The following AHR variants were observed in gnomAD, a reference collection of about 807,000 sequenced individuals.
AHR encodes the protein aryl hydrocarbon receptor, also known as AH-receptor.
A neutral mutation model predicts 86.8 loss-of-function variants in AHR; 40 were observed. That is an observed-to-expected ratio of 0.46 (90% CI 0.36 to 0.60). The LOEUF is 0.60. Ranked by LOEUF, AHR falls within the 20% of genes least tolerant of loss-of-function variation. The pLI is 0.00. For missense variants in AHR, 1,001 were observed against 1,011.6 expected (o/e 0.99, Z 0.14); for synonymous variants, 398 against 354.9 (o/e 1.12, Z -1.37).
At chr7:17,308,540 A>G (rs1275633134) in intron 1 of AHR, among the ~76,000 whole-genome samples, 5 of 152,136 alleles carry the variant, frequency 3.3e-5, no homozygotes, top group Non-Finnish European at 7.4e-5. Flanking sequence ...TTTGAAATTC[A>G]GTTGGTTAAG....
chr7:17,320,769 C>G (rs1021406866), intron 2 of AHR, among the ~76,000 whole-genome samples: 1 of 152,072 alleles, frequency 6.6e-6, no homozygotes, highest in Admixed American at 6.6e-5. Context: ...TTAAACATTT[C>G]CTTTGGTCTT....
intron 1 of AHR, among the ~76,000 whole-genome samples, chr7:17,306,994 T>C (rs920044651): frequency 5.6e-4 from 85 of 152,194 alleles, no homozygotes; most frequent in African/African-American, 1.8e-3. Flanking sequence ...TAAGCAATTA[T>C]GTTACTTGAC....
chr7:17,329,256 A>G (rs1782260277), intron 4 of AHR, among the ~76,000 whole-genome samples: 1 of 151,970 alleles, frequency 6.6e-6, no homozygotes, highest in Non-Finnish European at 1.5e-5. Flanking sequence ...ATAATATAGA[A>G]TACACAGTGT....
At chr7:17,329,760 G>T (rs1562479944) in intron 4 of AHR, 192 bp from the exon 5 acceptor site, 1 of 429,182 alleles carries the variant, frequency 2.3e-6, no homozygotes, top group East Asian at 4.1e-5. Flanking sequence ...TGGCTTATCT[G>T]TTGTAGTGCC....
intron 1 of AHR, among the ~76,000 whole-genome samples, chr7:17,300,055 G>T (rs1781938987): frequency 6.6e-6 from 1 of 152,168 alleles, no homozygotes; most frequent in East Asian, 1.9e-4. Context: ...AAAAGATTTA[G>T]AACTGCATTT....
Position 17,340,233 on chromosome 7 carries a change from G to A in AHR, c.2403+5G>A, listed in dbSNP as rs192368632. The A allele has an allele frequency of 2.0e-5, 31 of 1,583,096 alleles. No homozygotes were observed. The African/African-American group carries it at 3.1e-4, about 16-fold the overall frequency. On this transcript the variant is annotated splice_donor_5th_base_variant and intron_variant, in intron 10 of 10. Coordinates refer to ENST00000242057, the MANE Select transcript of AHR (RefSeq NM_001621.5). ...CAACAGGCATTTTTAAACAAGGTAAGGGTGTTATCAAACTGAATTAAATCT... is the reference window on the plus strand; with the variant it reads ...CAACAGGCATTTTTAAACAAGGTAAAGGTGTTATCAAACTGAATTAAATCT...
chr7:17,298,788 G>A lies in AHR; in HGVS notation c.-477G>A. 2 of 398,120 alleles carry A rather than the reference G, an allele frequency of 5.0e-6. No homozygotes were observed. Among genetic ancestry groups the A allele is most frequent in the East Asian group, 7.1e-5 (2 of 28,022 alleles). 24.7% of individuals were successfully genotyped at this position (398,120 alleles called of 1,614,324 possible). A position where few individuals can be genotyped will look rare whatever the true frequency, so the allele number is the denominator to read the frequency against. On this transcript the variant is annotated 5_prime_UTR_variant, in exon 1 of 11. Transcript: ENST00000242057. The stretch of plus-strand genomic sequence containing the variant: ...TGGCCCGCGCCCGAGCTCCGCAGGC[G>A]GGAAGCACCCTGGATTTAGGAAGTC...
intron 2 of AHR, among the ~76,000 whole-genome samples, chr7:17,313,388 G>T (rs1342678303): frequency 6.6e-6 from 1 of 152,026 alleles, no homozygotes; most frequent in African/African-American, 2.4e-5. Flanking sequence ...GATGCAAACA[G>T]GGGGTGTGTA....
intron 9 of AHR, among the ~76,000 whole-genome samples, chr7:17,336,322 C>T (rs925350707): frequency 6.6e-6 from 1 of 151,848 alleles, no homozygotes; most frequent in Non-Finnish European, 1.5e-5. Context: ...TTCCCGGCTG[C>T]GCTGTATTTT....
chr7:17,331,624 A>C, intron 6 of AHR, among the ~76,000 whole-genome samples: 1 of 151,906 alleles, frequency 6.6e-6, no homozygotes, highest in East Asian at 1.9e-4. Context: ...TGTCTCAAAT[A>C]ACTGCCACAT....
intron 2 of AHR, among the ~76,000 whole-genome samples, chr7:17,311,190 G>T (rs1782060702): frequency 1.3e-5 from 2 of 152,078 alleles, no homozygotes; most frequent in Non-Finnish European, 2.9e-5. Context: ...TTAAGGAAAT[G>T]GTCTTTTTAA....
chr7:17,313,535 A>G lies in AHR; in HGVS notation c.253+3412A>G, dbSNP rs1270179064. Among the ~76,000 whole-genome samples, 3 of 152,148 alleles carry G rather than the reference A, an allele frequency of 2.0e-5. No homozygotes were observed. The East Asian group carries it at 5.8e-4, about 29-fold the overall frequency. Reference sequence around the variant, plus strand: ...TGCAAGTTTAAATAATCCAACTTGGATGGATCTTCTTAAAGTTTGGAACCA... The same window carrying G: ...TGCAAGTTTAAATAATCCAACTTGGGTGGATCTTCTTAAAGTTTGGAACCA... On this transcript the variant is annotated intron_variant, in intron 2 of 10. Transcript: ENST00000242057.
Position 17,299,264 on chromosome 7 carries a change from C to G in AHR, c.-1C>G. On this transcript the variant is annotated 5_prime_UTR_variant, in exon 1 of 11. Transcript: ENST00000242057. ...GTAGCCGCCGCCGTCGGCTGGGCAC[C>G]ATGAACAGCAGCAGCGCCAACATCA... 3 of 1,611,956 alleles carry G rather than the reference C, an allele frequency of 1.9e-6. No homozygotes were observed. Among genetic ancestry groups the G allele is most frequent in the Non-Finnish European group, 2.5e-6 (3 of 1,179,566 alleles).
chr7:17,333,822 C>A, intron 6 of AHR, 90 bp from the exon 7 acceptor site: 1 of 986,884 alleles, frequency 1.0e-6, no homozygotes, highest in South Asian at 1.5e-5. Context: ...ATCAAGAACC[C>A]TAGAGGCAGC....
chr7:17,343,089 T>G lies in AHR; in HGVS notation c.*25T>G, dbSNP rs1321983165. ...ATTCCAAGCCCAATTTTGACCCTGG[T>G]TTTTGGATTAAATTAGTTTGTGAAG... On this transcript the variant is annotated 3_prime_UTR_variant, in exon 11 of 11. Transcript: ENST00000242057. 1 of 1,611,042 alleles carries G rather than the reference T, an allele frequency of 6.2e-7. No homozygotes were observed. Among genetic ancestry groups the G allele is most frequent in the Admixed American group, 1.7e-5 (1 of 59,762 alleles).
chr7:17,299,326 A>C lies in AHR; in HGVS notation c.62A>C (p.Lys21Thr). The C allele has an allele frequency of 6.2e-7, 1 of 1,612,834 alleles. No homozygotes were observed. The highest frequency in any genetic ancestry group is 8.5e-7 in the Non-Finnish European group (1 of 1,179,740). Residue 21 changes from lysine (K) to threonine (T), a missense_variant, in exon 1 of 11, where the codon AAA (lysine) becomes ACA (threonine). Lys to Thr is a moderately conservative substitution (Grantham distance 78). Around this residue, in one of 2 missense-constraint regions of AHR, gnomAD observed 394 missense variants for 468.5 expected, o/e 0.84. Transcript: ENST00000242057. Reference protein sequence around the residue: ...ASRKRRKPVQKTVKPIPAEGI... With the variant: ...ASRKRRKPVQTTVKPIPAEGI... ...CGCAAGCGGCGGAAGCCGGTGCAGA[A>C]AACGTGAGTGTCCCGAGCGCGTCCT...
chr7:17,309,036 T>C (rs1035003598), intron 1 of AHR, among the ~76,000 whole-genome samples: 1 of 152,236 alleles, frequency 6.6e-6, no homozygotes, highest in Admixed American at 6.5e-5. Context: ...CGTGGGTATC[T>C]GATGATTTTT....
intron 3 of AHR, among the ~76,000 whole-genome samples, chr7:17,323,238 T>C (rs1446006708): frequency 6.6e-6 from 1 of 152,194 alleles, no homozygotes; most frequent in Non-Finnish European, 1.5e-5. Flanking sequence ...TATATTTTTA[T>C]GGAATGTATC....
At chr7:17,335,414 G>A (rs1184748357) in intron 8 of AHR, among the ~76,000 whole-genome samples, 3 of 151,768 alleles carry the variant, frequency 2.0e-5, no homozygotes, top group Admixed American at 2.0e-4. Flanking sequence ...ACTTTCCTGT[G>A]TTACTAGAAT....
Sources: gnomAD v4.1 joint callset for allele counts (sites outside exome capture counted in the v4.1 genomes callset) on GRCh38, gnomAD v4.1.1 for gene constraint, gnomAD v4.1.1 regional missense constraint, MANE v1.5 for transcripts, NCBI Gene and HGNC (gene_info 2026-07-23, HGNC 2026-07-21) for gene names.